CDH9: variants seen among roughly 807,000 people sequenced by gnomAD.
CDH9 encodes cadherin-9.
A neutral mutation model predicts 70.9 loss-of-function variants in CDH9; 28 were observed. The ratio of observed to expected loss-of-function variants is 0.40; its 90% CI spans 0.29 to 0.54. CDH9 has a LOEUF of 0.54. CDH9 is among the 20% of genes least tolerant of loss of function. CDH9 has a pLI of 0.59. For synonymous variants in CDH9, 409 were observed against 343.1 expected (o/e 1.19, Z -2.12); for missense variants, 874 against 984.4 (o/e 0.89, Z 1.50).
chr5:26,926,556 A>G (rs975301976), intron 2 of CDH9, among the ~76,000 whole-genome samples: 2 of 151,952 alleles, frequency 1.3e-5, no homozygotes, highest in African/African-American at 4.8e-5. Context: ...CCATCAAGCT[A>G]CCAATGACTT....
At chr5:26,959,903 G>GT (rs34917255) in intron 2 of CDH9, among the ~76,000 whole-genome samples, 105,755 of 151,714 alleles carry the variant, frequency 0.7, 40,725 homozygotes, top group East Asian at 0.99. Context: ...TGTGTATAGG[G>GT]TTTCTTTTGG....
chr5:27,017,457 C>T (rs1425196801), intron 1 of CDH9, among the ~76,000 whole-genome samples: 1 of 151,764 alleles, frequency 6.6e-6, no homozygotes, highest in South Asian at 2.1e-4. Flanking sequence ...GCAAGCTAAA[C>T]GCTCTGCAAA....
chr5:26,974,401 A>G (rs752210650), intron 2 of CDH9, among the ~76,000 whole-genome samples: 12 of 152,246 alleles, frequency 7.9e-5, no homozygotes, highest in Non-Finnish European at 1.6e-4. Context: ...TTTGAAAGAT[A>G]TTCGCCTGTT....
At chr5:26,926,430 C>T (rs778237481) in intron 2 of CDH9, among the ~76,000 whole-genome samples, 4 of 151,982 alleles carry the variant, frequency 2.6e-5, no homozygotes, top group Non-Finnish European at 2.9e-5. Flanking sequence ...CACTGCTCAA[C>T]GAAATAAAAG....
chr5:26,963,571 C>T (rs1013056204), intron 2 of CDH9, among the ~76,000 whole-genome samples: 5 of 151,696 alleles, frequency 3.3e-5, no homozygotes, highest in African/African-American at 1.2e-4. Flanking sequence ...TAATAGCCAC[C>T]ATTGACCTTC....
chr5:26,980,150 G>GT (rs200943738), intron 2 of CDH9, among the ~76,000 whole-genome samples: 2,206 of 151,820 alleles, frequency 0.015, 29 homozygotes, highest in Middle Eastern at 0.06. Flanking sequence ...TATTATTATA[G>GT]TTTTTCAAGA....
At chr5:26,968,698 G>A (rs1227339230) in intron 2 of CDH9, among the ~76,000 whole-genome samples, 1 of 150,292 alleles carries the variant, frequency 6.7e-6, no homozygotes, top group Admixed American at 6.6e-5. Context: ...AATATAATAA[G>A]CATTTCAGTA....
chr5:27,029,381 A>C (rs983747842), intron 1 of CDH9, among the ~76,000 whole-genome samples: 2 of 152,048 alleles, frequency 1.3e-5, no homozygotes, highest in Admixed American at 1.3e-4. Context: ...AGGCTAAACA[A>C]AATTTTCTTT....
chr5:26,921,900 G>C (rs13357052), intron 2 of CDH9, among the ~76,000 whole-genome samples: 11,380 of 151,930 alleles, frequency 0.075, 538 homozygotes, highest in African/African-American at 0.13. Flanking sequence ...GAGGAATCAA[G>C]CAGAAATTCT....
At chr5:26,996,531 A>G (rs1490536542) in intron 1 of CDH9, among the ~76,000 whole-genome samples, 10 of 152,008 alleles carry the variant, frequency 6.6e-5, no homozygotes, top group African/African-American at 2.4e-4. Flanking sequence ...CAAATAACAC[A>G]TATATAAAGA....
At chr5:26,915,450 A>G (rs954849937) in intron 3 of CDH9, among the ~76,000 whole-genome samples, 180 bp downstream of exon 3, 1 of 152,048 alleles carries the variant, frequency 6.6e-6, no homozygotes, top group Non-Finnish European at 1.5e-5. Context: ...AAATTACAAC[A>G]TAACAGGAGA....
At position 26,890,723 on chromosome 5, in the gene CDH9, G is replaced by C. The variant is rs909277907; in HGVS notation, c.1254-159C>G. 5.2e-6 allele frequency: 3 copies of C among 581,560 alleles called. No homozygotes were observed. In the African/African-American group the frequency reaches 5.6e-5, roughly 11 times the overall value. 36.0% of individuals were successfully genotyped at this position (581,560 alleles called of 1,614,324 possible). On this transcript the variant is annotated intron_variant, in intron 7 of 11. Transcript: ENST00000231021. Reference sequence around the variant, plus strand: ...TTTTTATTTTATAGAATTGTTATTTGAGCAATTTCATATGTTTGACTCTTT... The same window carrying C: ...TTTTTATTTTATAGAATTGTTATTTCAGCAATTTCATATGTTTGACTCTTT...
chr5:26,931,451 G>C (rs1223191698), intron 2 of CDH9, among the ~76,000 whole-genome samples: 1 of 152,180 alleles, frequency 6.6e-6, no homozygotes, highest in East Asian at 1.9e-4. Flanking sequence ...AATACAGAAA[G>C]AGGTGAAAGT....
chr5:26,994,326 C>G (rs966866795), intron 1 of CDH9, among the ~76,000 whole-genome samples: 1 of 152,076 alleles, frequency 6.6e-6, no homozygotes, highest in East Asian at 1.9e-4. Flanking sequence ...CTAGGGTAGA[C>G]TATTATAGAC....
At chr5:26,916,498 C>A (rs1343207092) in intron 2 of CDH9, among the ~76,000 whole-genome samples, 1 of 151,876 alleles carries the variant, frequency 6.6e-6, no homozygotes, top group African/African-American at 2.4e-5. Context: ...CCTATATGTA[C>A]CTTCCTATGA....
At chr5:27,015,150 C>A (rs1579513823) in intron 1 of CDH9, among the ~76,000 whole-genome samples, 1 of 151,792 alleles carries the variant, frequency 6.6e-6, no homozygotes, top group Non-Finnish European at 1.5e-5. Context: ...ATTAGAATTA[C>A]TGCACAATTG....
chr5:26,999,062 T>C (rs897200121), intron 1 of CDH9, among the ~76,000 whole-genome samples: 6 of 151,888 alleles, frequency 4.0e-5, no homozygotes, highest in African/African-American at 1.2e-4. Flanking sequence ...CTGGCCAACA[T>C]GGTGAAATCC....
In CDH9 at chr5:26,988,437, CA is replaced by C. The variant is rs1742525058; in HGVS notation, c.-49-56del. 2.1e-6 allele frequency: 3 copies of C among 1,429,778 alleles called. No individual in the cohort carries two copies. In the African/African-American group the frequency reaches 4.3e-5, roughly 20 times the overall value. The allele number at this position is 1,429,778 out of a possible 1,614,324, so 88.6% of individuals were successfully genotyped here. A position where few individuals can be genotyped will look rare whatever the true frequency, so the allele number is the denominator to read the frequency against. ...TATTAGCTTGAGTTTCACTTTCCCA[CA>C]ACGTGTAAACTGAAATACTTATTCC... On this transcript the variant is annotated intron_variant, in intron 1 of 11. Coordinates refer to ENST00000231021, the MANE Select transcript of CDH9 (RefSeq NM_016279.4).
In CDH9 at chr5:26,926,922, C is replaced by CG. The variant is rs371626931; in HGVS notation, c.229-10999_229-10998insC. 9.6e-4 allele frequency among the ~76,000 whole-genome samples: 114 copies of CG among 118,438 alleles called. 1 individual carries two copies. Among genetic ancestry groups the CG allele is most frequent in the Admixed American group, 2.5e-3 (26 of 10,518 alleles). The allele number at this position is 118,438 out of a possible 152,430, so 77.7% of individuals were successfully genotyped here. On this transcript the variant is annotated intron_variant, in intron 2 of 11. Transcript: ENST00000231021. ...CATAGTCAGGCAAAAATACAGCCCC[C>CG]CCCCGCAAAAAAAAAAGAAACAAAG...
Sources: gnomAD v4.1 joint callset for allele counts (sites outside exome capture counted in the v4.1 genomes callset) on GRCh38, gnomAD v4.1.1 for gene constraint, MANE v1.5 for transcripts, NCBI Gene and HGNC (gene_info 2026-07-23, HGNC 2026-07-21) for gene names.